Variants in CADPS observed in about 807,000 individuals in gnomAD.
CADPS encodes calcium-dependent secretion activator 1.
In CADPS, 57 loss-of-function variants were observed where a neutral mutation model predicts 167.3. The observed-to-expected ratio is 0.34, with a 90% CI of 0.28 to 0.42. The LOEUF (loss-of-function observed/expected upper bound fraction) is 0.42. Among genes scored for constraint, CADPS ranks in the 20% least tolerant of loss-of-function variants. The pLI, the probability that CADPS is intolerant of heterozygous loss-of-function variation, is 1.00. For synonymous variants in CADPS, 676 were observed against 635.3 expected (o/e 1.06, Z -0.96); for missense variants, 1,414 against 1,738.1 (o/e 0.81, Z 3.32).
chr3:62,629,630 T>C (rs927737787), intron 6 of CADPS, among the ~76,000 whole-genome samples: 6 of 152,212 alleles, frequency 3.9e-5, no homozygotes, highest in African/African-American at 1.4e-4. Flanking sequence ...TGTATAAGAC[T>C]CTCTGAGGGC....
chr3:62,796,667 T>G (rs1022854586), intron 1 of CADPS, among the ~76,000 whole-genome samples: 1 of 152,178 alleles, frequency 6.6e-6, no homozygotes, highest in African/African-American at 2.4e-5. Flanking sequence ...AACTAAGAGA[T>G]GATTTCACTC....
intron 3 of CADPS, among the ~76,000 whole-genome samples, chr3:62,730,211 C>A (rs1211389385): frequency 1.3e-5 from 2 of 152,124 alleles, no homozygotes; most frequent in East Asian, 3.9e-4. Context: ...CACATTCCTA[C>A]CCCGGTCCAG....
intron 26 of CADPS, among the ~76,000 whole-genome samples, chr3:62,459,089 G>C (rs1218243714): frequency 2.0e-5 from 3 of 152,200 alleles, no homozygotes; most frequent in Admixed American, 6.5e-5. Flanking sequence ...TGAAACACTA[G>C]GGAGTGGCTG....
chr3:62,430,493 G>GC (rs2053701876), intron 28 of CADPS, among the ~76,000 whole-genome samples: 1 of 152,082 alleles, frequency 6.6e-6, no homozygotes, highest in South Asian at 2.1e-4. Context: ...AATTCGAGTG[G>GC]CCCTGGAGGG....
chr3:62,848,411 A>G (rs2077894452), intron 1 of CADPS, among the ~76,000 whole-genome samples: 1 of 81,550 alleles, frequency 1.2e-5, no homozygotes, highest in Non-Finnish European at 2.5e-5. Context: ...TTATGGTTTT[A>G]GGTCTAACGT....
chr3:62,714,351 T>C (rs1157140976), intron 3 of CADPS, among the ~76,000 whole-genome samples: 1 of 152,230 alleles, frequency 6.6e-6, no homozygotes, highest in Non-Finnish European at 1.5e-5. Flanking sequence ...GACTGGGTAC[T>C]GTACATGTTT....
chr3:62,593,374 C>A (rs752558580), intron 6 of CADPS, among the ~76,000 whole-genome samples: 4 of 152,226 alleles, frequency 2.6e-5, no homozygotes, highest in Non-Finnish European at 5.9e-5. Context: ...ACACGGGAGC[C>A]TGGCTTACCC....
At position 62,587,565 on chromosome 3, in the gene CADPS, GGTAA is replaced by G. The variant is rs1354300640; in HGVS notation, c.1438-2245_1438-2242del. Reference sequence around the variant, plus strand: ...ACACCCCATCCAGGGCCAGAACCGCGGTAAGTAAGAAAGGCCCTGGGCTTCTGTC... The same window carrying G: ...ACACCCCATCCAGGGCCAGAACCGCGGTAAGAAAGGCCCTGGGCTTCTGTC... On this transcript the variant is annotated intron_variant, in intron 7 of 29. Transcript: ENST00000383710. 2.6e-5 allele frequency among the ~76,000 whole-genome samples: 4 copies of G among 152,288 alleles called. No individual in the cohort carries two copies. In the East Asian group the frequency reaches 5.8e-4, roughly 22 times the overall value.
intron 12 of CADPS, among the ~76,000 whole-genome samples, chr3:62,534,752 C>A (rs1339195376): frequency 6.6e-6 from 1 of 152,118 alleles, no homozygotes; most frequent in African/African-American, 2.4e-5. Flanking sequence ...ATGGAATATA[C>A]AGAGGCAGGA....
intron 7 of CADPS, among the ~76,000 whole-genome samples, chr3:62,587,834 T>C (rs1439683925): frequency 1.3e-5 from 2 of 152,060 alleles, no homozygotes; most frequent in African/African-American, 4.8e-5. Flanking sequence ...TGACCACAGC[T>C]CTCTTCTGTC....
intron 21 of CADPS, among the ~76,000 whole-genome samples, chr3:62,490,052 G>C (rs1474233921): frequency 6.6e-6 from 1 of 152,116 alleles, no homozygotes; most frequent in East Asian, 1.9e-4. Context: ...ATGTGGAAGG[G>C]GGGCAGAAAA....
At chr3:62,853,604 A>C (rs2079049953) in intron 1 of CADPS, among the ~76,000 whole-genome samples, 1 of 148,220 alleles carries the variant, frequency 6.7e-6, no homozygotes, top group South Asian at 2.2e-4. Flanking sequence ...CAGCCTGAGC[A>C]ACCAGAGCAA....
intron 18 of CADPS, among the ~76,000 whole-genome samples, chr3:62,494,272 T>C (rs1028815922): frequency 6.6e-6 from 1 of 152,074 alleles, no homozygotes; most frequent in Non-Finnish European, 1.5e-5. Context: ...CCTAGCTAAG[T>C]CCAGTAGATA....
Position 62,602,276 on chromosome 3 carries a change from G to C in CADPS, c.1326-9528C>G, listed in dbSNP as rs182013492. ...CAGGTTGGTGCTGGGGTCGGGGGTG[G>C]GGGGATGTCATTAGTTGCCATGGTG... On this transcript the variant is annotated intron_variant, in intron 6 of 29. Transcript: ENST00000383710. The surrounding 1 kb of genome is among the most constrained non-coding windows in gnomAD (Gnocchi z 4.4). Among the ~76,000 whole-genome samples the C allele has an allele frequency of 8.0e-6, 1 of 125,382 alleles. No individual in the cohort carries two copies. Among genetic ancestry groups the C allele is most frequent in the African/African-American group, 2.9e-5 (1 of 34,072 alleles). 82.3% of individuals were successfully genotyped at this position (125,382 alleles called of 152,430 possible).
chr3:62,872,552 T>C (rs573093199), intron 1 of CADPS, among the ~76,000 whole-genome samples: 68 of 152,336 alleles, frequency 4.5e-4, no homozygotes, highest in African/African-American at 1.6e-3. Flanking sequence ...CAATCTGTCC[T>C]GGAGTCTCTC....
chr3:62,494,753 T>A (rs1052152914), intron 18 of CADPS, among the ~76,000 whole-genome samples: 3 of 145,886 alleles, frequency 2.1e-5, no homozygotes, highest in Non-Finnish European at 4.5e-5. Context: ...CTGCAGCCCC[T>A]GCCTCAGCCT....
chr3:62,414,605 C>T lies in CADPS; in HGVS notation c.3778-11420G>A, dbSNP rs908603789. ...GCTTGGGAGGATTAATCTCCCTGTTCGCCCAACCAATGTCTTCTGTTGGTG... is the reference window on the plus strand; with the variant it reads ...GCTTGGGAGGATTAATCTCCCTGTTTGCCCAACCAATGTCTTCTGTTGGTG... On this transcript the variant is annotated intron_variant, in intron 28 of 29. Coordinates refer to ENST00000383710, the MANE Select transcript of CADPS (RefSeq NM_003716.4). Among the ~76,000 whole-genome samples, 4 of 152,200 alleles carry T rather than the reference C, an allele frequency of 2.6e-5. No homozygotes were observed. The South Asian group carries it at 6.2e-4, about 24-fold the overall frequency.
At chr3:62,766,065 A>G in intron 1 of CADPS, 81 bp from the exon 2 acceptor site, 2 of 980,882 alleles carry the variant, frequency 2.0e-6, no homozygotes, top group East Asian at 2.4e-5. Context: ...AAGATGCCAG[A>G]CCCATTGGTG....
Position 62,753,802 on chromosome 3 carries a change from G to C in CADPS, c.556-29C>G. The C allele has an allele frequency of 1.3e-6, 2 of 1,584,886 alleles. No homozygotes were observed. The highest frequency in any genetic ancestry group is 1.7e-6 in the Non-Finnish European group (2 of 1,162,990). ...AGCAAGAACAAGGCCAGGAAAGACA[G>C]TAGGAGAGTTTACCACAGAGGTACC... is the stretch of plus-strand genomic sequence containing the variant. On this transcript the variant is annotated intron_variant, in intron 2 of 29. Transcript: ENST00000383710. The surrounding 1 kb of genome is among the most constrained non-coding windows in gnomAD (Gnocchi z 4.6).
Sources: gnomAD v4.1 joint callset for allele counts (sites outside exome capture counted in the v4.1 genomes callset) on GRCh38, gnomAD v4.1.1 for gene constraint, Gnocchi (gnomAD v3.1) non-coding constraint, MANE v1.5 for transcripts, NCBI Gene and HGNC (gene_info 2026-07-23, HGNC 2026-07-21) for gene names.